Variants in ADGRL2 observed in about 807,000 individuals in gnomAD.
ADGRL2 encodes the protein calcium-independent alpha-latrotoxin receptor 2.
In ADGRL2, 44 loss-of-function variants were observed where a neutral mutation model predicts 157.4. That is an observed-to-expected ratio of 0.28 (90% CI 0.22 to 0.36). ADGRL2 has a LOEUF of 0.36. ADGRL2 is among the 10% of genes least tolerant of loss of function. ADGRL2 has a pLI of 1.00. For missense variants in ADGRL2, 1,510 were observed against 1,768.9 expected, an observed-to-expected ratio of 0.85 and a Z score of 2.63; for synonymous variants, 585 against 624.7, an observed-to-expected ratio of 0.94 and a Z score of 0.95.
intron 2 of ADGRL2, among the ~76,000 whole-genome samples, chr1:81,902,702 G>C (rs1219363115): frequency 1.3e-5 from 2 of 152,132 alleles, no homozygotes; most frequent in Non-Finnish European, 2.9e-5. Flanking sequence ...TGAAAGGAAA[G>C]TACAATGAGG....
chr1:81,379,716 A>C (rs1029254568), intron 1 of ADGRL2, among the ~76,000 whole-genome samples: 1 of 151,892 alleles, frequency 6.6e-6, no homozygotes, highest in African/African-American at 2.4e-5. Context: ...CATCCTCTCC[A>C]TGTTCTCTAC....
At chr1:81,513,475 ACT>A (rs1557748519) in intron 2 of ADGRL2, among the ~76,000 whole-genome samples, 1 of 152,184 alleles carries the variant, frequency 6.6e-6, no homozygotes, top group Non-Finnish European at 1.5e-5. Flanking sequence ...CTTACAAAAC[ACT>A]CTGTGAAGTA....
intron 1 of ADGRL2, chr1:81,722,566 G>A (rs1277853061): frequency 6.7e-7 from 1 of 1,492,916 alleles, no homozygotes; most frequent in Non-Finnish European, 9.2e-7. Context: ...GCGAGGGAAA[G>A]CACACAGACG....
At chr1:81,785,797 G>C (rs554252893) in intron 2 of ADGRL2, among the ~76,000 whole-genome samples, 1 of 152,118 alleles carries the variant, frequency 6.6e-6, no homozygotes, top group African/African-American at 2.4e-5. Context: ...TTCTCATCTT[G>C]TGGAGATGAG....
intron 2 of ADGRL2, among the ~76,000 whole-genome samples, chr1:81,495,470 A>C (rs2078712626): frequency 6.6e-6 from 1 of 152,182 alleles, no homozygotes; most frequent in Admixed American, 6.5e-5. Flanking sequence ...ATTAAATTCC[A>C]TTTGTGCTGC....
At chr1:81,728,190 A>G (rs1418845144) in intron 1 of ADGRL2, among the ~76,000 whole-genome samples, 1 of 152,142 alleles carries the variant, frequency 6.6e-6, no homozygotes, top group Non-Finnish European at 1.5e-5. Context: ...AGAAGTACAA[A>G]TTGTGTCCAA....
chr1:81,550,012 A>G (rs2080107678), intron 2 of ADGRL2, among the ~76,000 whole-genome samples: 2 of 152,184 alleles, frequency 1.3e-5, no homozygotes, highest in South Asian at 4.1e-4. Flanking sequence ...ATACCTAATA[A>G]CTTCAGGATT....
At chr1:81,471,116 T>C (rs1328629282) in intron 2 of ADGRL2, among the ~76,000 whole-genome samples, 2 of 152,194 alleles carry the variant, frequency 1.3e-5, no homozygotes, top group African/African-American at 4.8e-5. Flanking sequence ...CATTGCAGGA[T>C]TGGGAGGTAG....
At chr1:81,509,720 C>T (rs1470318671) in intron 2 of ADGRL2, among the ~76,000 whole-genome samples, 15 of 152,182 alleles carry the variant, frequency 9.9e-5, no homozygotes, top group Non-Finnish European at 2.2e-4. Context: ...AATGGATTAA[C>T]AACAACTGGC....
At chr1:81,405,569 G>A (rs2076838127) in intron 1 of ADGRL2, among the ~76,000 whole-genome samples, 1 of 150,328 alleles carries the variant, frequency 6.7e-6, no homozygotes, top group African/African-American at 2.5e-5. Flanking sequence ...AGGATCACCT[G>A]AGCCTGGGAG....
intron 1 of ADGRL2, among the ~76,000 whole-genome samples, chr1:81,731,265 C>T (rs935811982): frequency 6.6e-6 from 1 of 152,130 alleles, no homozygotes; most frequent in Non-Finnish European, 1.5e-5. Flanking sequence ...TTCTATGTTA[C>T]TTGAGTTCAT....
chr1:81,751,270 C>T (rs965811634), intron 1 of ADGRL2, among the ~76,000 whole-genome samples: 1 of 152,178 alleles, frequency 6.6e-6, no homozygotes, highest in Non-Finnish European at 1.5e-5. Flanking sequence ...AGTTACTCTA[C>T]TTCCCTGCAA....
chr1:81,828,215 G>A (rs548136495), intron 1 of ADGRL2, among the ~76,000 whole-genome samples: 43 of 152,274 alleles, frequency 2.8e-4, no homozygotes, highest in African/African-American at 1.0e-3. Context: ...TTATGGCACA[G>A]ACCATATCAC....
At chr1:81,930,755 C>T (rs1557936301) in intron 3 of ADGRL2, among the ~76,000 whole-genome samples, 1 of 152,066 alleles carries the variant, frequency 6.6e-6, no homozygotes, top group African/African-American at 2.4e-5. Context: ...GGCTTCATTC[C>T]AGAATTGAAC....
At chr1:81,981,044 T>G (rs1028589351) in intron 18 of ADGRL2, 1 of 438,704 alleles carries the variant, frequency 2.3e-6, no homozygotes, top group Non-Finnish European at 4.3e-6. Flanking sequence ...TTATAAAATA[T>G]ATAAATGCTT....
At chr1:81,693,026 G>A (rs1406104455) in intron 3 of ADGRL2, among the ~76,000 whole-genome samples, 1 of 152,120 alleles carries the variant, frequency 6.6e-6, no homozygotes, top group Non-Finnish European at 1.5e-5. Context: ...ATACTGCCAT[G>A]CCCTGAGTTC....
chr1:81,858,175 T>C (rs965412730), intron 2 of ADGRL2, among the ~76,000 whole-genome samples: 1 of 152,150 alleles, frequency 6.6e-6, no homozygotes, highest in Admixed American at 6.6e-5. Context: ...AAACTCAGTA[T>C]TATTCTTTTG....
intron 1 of ADGRL2, among the ~76,000 whole-genome samples, chr1:81,744,774 C>T (rs2085189061): frequency 1.3e-5 from 2 of 152,096 alleles, no homozygotes; most frequent in African/African-American, 2.4e-5. Context: ...ACTGGATGTC[C>T]GTATTTAGGT....
upstream of ADGRL2, among the ~76,000 whole-genome samples, chr1:81,696,751 C>A (rs936604522): frequency 4.0e-5 from 6 of 151,768 alleles, no homozygotes; most frequent in Admixed American, 1.3e-4. Context: ...GACTCCATCT[C>A]AAAAACAAAA....
Sources: allele counts gnomAD v4.1 joint callset (sites outside exome capture counted in the v4.1 genomes callset), GRCh38; gene constraint gnomAD v4.1.1; transcripts MANE v1.5; gene names NCBI Gene and HGNC (gene_info 2026-07-23, HGNC 2026-07-21).